The following CTDSPL variants were observed in gnomAD, a reference collection of about 807,000 sequenced individuals.
The protein encoded by CTDSPL is CTD small phosphatase-like protein.
CTDSPL carries 8 observed loss-of-function variants against 30.5 expected under a neutral mutation model. That is an observed-to-expected ratio of 0.26 (90% CI 0.15 to 0.47). CTDSPL has a LOEUF of 0.47. CTDSPL is among the 20% of genes least tolerant of loss of function. The probability of loss-of-function intolerance (pLI) is 0.99; values close to 1 mark genes in which losing one functional copy is unlikely to be tolerated. For synonymous variants in CTDSPL, 110 were observed against 137.9 expected (o/e 0.80, Z 1.42); for missense variants, 248 against 366.1 (o/e 0.68, Z 2.63).
chr3:37,900,207 A>G (rs1422365367), intron 1 of CTDSPL, among the ~76,000 whole-genome samples: 1 of 152,140 alleles, frequency 6.6e-6, no homozygotes, highest in African/African-American at 2.4e-5. Flanking sequence ...GCGGGGAGGG[A>G]ATGGAGCTGG....
Position 37,908,296 on chromosome 3 carries a change from A to C in CTDSPL, c.80-38761A>C, listed in dbSNP as rs896874924. Among the ~76,000 whole-genome samples, 5 of 152,240 alleles carry C rather than the reference A, an allele frequency of 3.3e-5. No individual in the cohort carries two copies. The South Asian group carries it at 1.0e-3, about 31-fold the overall frequency. On this transcript the variant is annotated intron_variant, in intron 1 of 7. Transcript: ENST00000273179. Reference sequence around the variant, plus strand: ...TGTTTCTGTTTTTAAAAAATCTCCTAATAGAAAGTGGAAGGTATGGCAAAT... The same window carrying C: ...TGTTTCTGTTTTTAAAAAATCTCCTCATAGAAAGTGGAAGGTATGGCAAAT...
At chr3:37,882,994 A>G (rs555409855) in intron 1 of CTDSPL, among the ~76,000 whole-genome samples, 3 of 152,318 alleles carry the variant, frequency 2.0e-5, no homozygotes, top group African/African-American at 7.2e-5. Flanking sequence ...AACATGTTCT[A>G]TTTACAAACG....
intron 1 of CTDSPL, among the ~76,000 whole-genome samples, chr3:37,909,196 AG>A (rs1698552508): frequency 1.3e-5 from 2 of 152,232 alleles, no homozygotes; most frequent in African/African-American, 4.8e-5. Flanking sequence ...CTTTGAAGGT[AG>A]ACAAAGCCAG....
intron 1 of CTDSPL, among the ~76,000 whole-genome samples, chr3:37,903,828 G>A (rs1020874170): frequency 2.0e-5 from 3 of 152,166 alleles, no homozygotes; most frequent in Non-Finnish European, 2.9e-5. Flanking sequence ...TGGGTCAAGC[G>A]ACTACCACTG....
chr3:37,922,643 T>G (rs764291078), intron 1 of CTDSPL, among the ~76,000 whole-genome samples: 5 of 152,222 alleles, frequency 3.3e-5, no homozygotes, highest in Non-Finnish European at 7.3e-5. Flanking sequence ...TCCTTGCAAA[T>G]GTGGCTCTGT....
intron 3 of CTDSPL, among the ~76,000 whole-genome samples, chr3:37,958,885 T>A (rs1205448854): frequency 6.6e-6 from 1 of 152,224 alleles, no homozygotes; most frequent in East Asian, 1.9e-4. Flanking sequence ...GCTTAGCATA[T>A]AGGACTGATC....
At chr3:37,921,607 CCACACACACACA>C (rs58395906) in intron 1 of CTDSPL, among the ~76,000 whole-genome samples, 4 of 147,638 alleles carry the variant, frequency 2.7e-5, no homozygotes, top group African/African-American at 1.0e-4. Flanking sequence ...ACCCTAACTA[CCACACACACACA>C]CACACACACA....
intron 1 of CTDSPL, among the ~76,000 whole-genome samples, chr3:37,877,255 A>G (rs540224172): frequency 1.5e-4 from 23 of 152,312 alleles, no homozygotes; most frequent in African/African-American, 5.1e-4. Flanking sequence ...TCATTAAACA[A>G]TAACTCCCCA....
intron 3 of CTDSPL, among the ~76,000 whole-genome samples, chr3:37,960,517 TATATATATATATATATATACAC>T (rs1699229221): frequency 1.9e-5 from 1 of 51,578 alleles, no homozygotes; most frequent in African/African-American, 7.9e-5. Context: ...TATATATATA[TATATATATATATATATATACAC>T]ACACACACAC....
intron 1 of CTDSPL, among the ~76,000 whole-genome samples, chr3:37,882,766 G>A (rs1238007091): frequency 1.3e-5 from 2 of 152,224 alleles, no homozygotes; most frequent in Non-Finnish European, 2.9e-5. Context: ...CAATAGGAGA[G>A]TATTCAGGAA....
chr3:37,896,262 T>C (rs1698388955), intron 1 of CTDSPL, among the ~76,000 whole-genome samples: 1 of 152,154 alleles, frequency 6.6e-6, no homozygotes, highest in Admixed American at 6.5e-5. Flanking sequence ...GGGGTGTTGT[T>C]CAGTAGAATA....
At chr3:37,976,777 C>G in intron 7 of CTDSPL, among the ~76,000 whole-genome samples, 1 of 152,160 alleles carries the variant, frequency 6.6e-6, no homozygotes, top group East Asian at 1.9e-4. Context: ...CTCTCGGTGC[C>G]TACTCACTGG....
chr3:37,953,372 A>G (rs1699131949), intron 2 of CTDSPL, among the ~76,000 whole-genome samples: 1 of 151,890 alleles, frequency 6.6e-6, no homozygotes, highest in Non-Finnish European at 1.5e-5. Context: ...CAGAAAACTC[A>G]GAAAAACATG....
intron 1 of CTDSPL, among the ~76,000 whole-genome samples, chr3:37,897,389 T>C (rs1698401308): frequency 6.6e-6 from 1 of 152,208 alleles, no homozygotes; most frequent in Non-Finnish European, 1.5e-5. Flanking sequence ...ATTTTACTTA[T>C]TGATTTTTTT....
intron 1 of CTDSPL, among the ~76,000 whole-genome samples, chr3:37,924,959 T>A (rs902380057): frequency 3.3e-5 from 5 of 152,166 alleles, no homozygotes; most frequent in Non-Finnish European, 5.9e-5. Context: ...AAGCATTCAC[T>A]GACCACCCCC....
chr3:37,946,580 T>C (rs1459626936), intron 1 of CTDSPL, among the ~76,000 whole-genome samples: 3 of 152,222 alleles, frequency 2.0e-5, no homozygotes, highest in African/African-American at 7.2e-5. Flanking sequence ...ATTTCCATAG[T>C]GAGCAGGGGA....
chr3:37,890,927 C>T (rs1698318242), intron 1 of CTDSPL, among the ~76,000 whole-genome samples: 1 of 152,150 alleles, frequency 6.6e-6, no homozygotes, highest in South Asian at 2.1e-4. Context: ...GAGACAACTC[C>T]AAGGAAATTC....
At chr3:37,871,233 T>C (rs1260771809) in intron 1 of CTDSPL, among the ~76,000 whole-genome samples, 1 of 152,240 alleles carries the variant, frequency 6.6e-6, no homozygotes, top group Non-Finnish European at 1.5e-5. Context: ...CAGATTTGCT[T>C]CCTTCACTTA....
chr3:37,967,930 C>T, intron 5 of CTDSPL, 48 bp downstream of exon 5: 1 of 1,227,664 alleles, frequency 8.1e-7, no homozygotes. Context: ...TTTTTTAGTA[C>T]TTACATTTCC....
Sources: allele counts gnomAD v4.1 joint callset (sites outside exome capture counted in the v4.1 genomes callset), GRCh38; gene constraint gnomAD v4.1.1; transcripts MANE v1.5; gene names NCBI Gene and HGNC (gene_info 2026-07-23, HGNC 2026-07-21).